The following CBLB variants were observed in gnomAD, a reference collection of about 807,000 sequenced individuals.
The protein encoded by CBLB is E3 ubiquitin-protein ligase CBL-B.
Under a neutral mutation model 104.9 loss-of-function variants are expected in CBLB, and 31 were observed. The ratio of observed to expected loss-of-function variants is 0.30; its 90% CI spans 0.22 to 0.40. The LOEUF (loss-of-function observed/expected upper bound fraction) is 0.40. CBLB is among the 10% of genes least tolerant of loss of function. CBLB has a pLI of 1.00. For synonymous variants in CBLB, 440 were observed against 422.6 expected (o/e 1.04, Z -0.51); for missense variants, 1,062 against 1,214.6 (o/e 0.87, Z 1.87).
Position 105,731,608 on chromosome 3 carries a change from T to C in CBLB, c.1203+2401A>G, listed in dbSNP as rs1235483923. ...CACCCTGGGCTGCAAGGCAAACAACTATTTTATTATTATTATTATTACTTT... is the reference window on the plus strand; with the variant it reads ...CACCCTGGGCTGCAAGGCAAACAACCATTTTATTATTATTATTATTACTTT... On this transcript the variant is annotated intron_variant, in intron 9 of 18. Coordinates refer to ENST00000394030, the MANE Select transcript of CBLB (RefSeq NM_170662.5). Among the ~76,000 whole-genome samples the C allele has an allele frequency of 3.3e-5, 5 of 151,844 alleles. No homozygotes were observed. In the East Asian group the frequency reaches 9.6e-4, roughly 29 times the overall value.
intron 9 of CBLB, among the ~76,000 whole-genome samples, chr3:105,726,567 T>A (rs956050526): frequency 1.2e-4 from 18 of 152,052 alleles, no homozygotes; most frequent in African/African-American, 3.9e-4. Flanking sequence ...TTTCTTTTAT[T>A]ATACTTTAAA....
At chr3:105,782,378 T>A (rs2080361119) in intron 3 of CBLB, among the ~76,000 whole-genome samples, 1 of 152,144 alleles carries the variant, frequency 6.6e-6, no homozygotes, top group Non-Finnish European at 1.5e-5. Flanking sequence ...TTTTGGATAC[T>A]AAACTGATCA....
chr3:105,791,104 AGATTTC>A (rs2081583815), intron 3 of CBLB, among the ~76,000 whole-genome samples: 1 of 152,226 alleles, frequency 6.6e-6, no homozygotes. Context: ...GATCTGTTGA[AGATTTC>A]TCTGTTGTAA....
At chr3:105,689,543 G>T (rs1253011162) in intron 13 of CBLB, among the ~76,000 whole-genome samples, 6 of 149,764 alleles carry the variant, frequency 4.0e-5, no homozygotes, top group South Asian at 4.2e-4. Context: ...CAGCATTTCA[G>T]AACATTATCT....
chr3:105,669,711 T>C (rs1264651868), intron 18 of CBLB, among the ~76,000 whole-genome samples: 1 of 152,146 alleles, frequency 6.6e-6, no homozygotes, highest in Non-Finnish European at 1.5e-5. Flanking sequence ...TTTAGATATG[T>C]TCAGGGAAAG....
chr3:105,776,375 A>G (rs371283201), intron 4 of CBLB, 21 bp downstream of exon 4: 44 of 1,609,042 alleles, frequency 2.7e-5, no homozygotes, highest in Non-Finnish European at 3.5e-5. Flanking sequence ...ATCCACAGCT[A>G]TAAAAATGAT....
chr3:105,759,069 A>G (rs751347916), intron 4 of CBLB, among the ~76,000 whole-genome samples: 19 of 151,714 alleles, frequency 1.3e-4, no homozygotes, highest in Non-Finnish European at 1.8e-4. Flanking sequence ...TATACAAACA[A>G]CTGGAGGGTG....
At chr3:105,799,299 C>A (rs1313576781) in intron 3 of CBLB, among the ~76,000 whole-genome samples, 1 of 150,314 alleles carries the variant, frequency 6.7e-6, no homozygotes, top group African/African-American at 2.4e-5. Context: ...AAAAAACAAA[C>A]AAGGATATTT....
intron 2 of CBLB, among the ~76,000 whole-genome samples, chr3:105,865,791 A>G (rs1180489015): frequency 6.6e-6 from 1 of 152,180 alleles, no homozygotes; most frequent in Non-Finnish European, 1.5e-5. Flanking sequence ...GGGAAAAAGA[A>G]CAGCCCCTTT....
intron 9 of CBLB, among the ~76,000 whole-genome samples, chr3:105,725,296 T>G (rs2073446090): frequency 6.6e-6 from 1 of 152,138 alleles, no homozygotes; most frequent in South Asian, 2.1e-4. Flanking sequence ...AATTTAAAAT[T>G]TTAATGCATG....
intron 7 of CBLB, among the ~76,000 whole-genome samples, chr3:105,738,617 ATTAGGG>A: frequency 6.6e-6 from 1 of 152,128 alleles, no homozygotes; most frequent in African/African-American, 2.4e-5. Context: ...AAAAATCATG[ATTAGGG>A]TACCATAGGA....
chr3:105,843,202 T>C (rs1319762115), intron 3 of CBLB, among the ~76,000 whole-genome samples: 1 of 152,150 alleles, frequency 6.6e-6, no homozygotes, highest in Non-Finnish European at 1.5e-5. Flanking sequence ...CCATTCAACA[T>C]GCCACTTTCA....
intron 13 of CBLB, among the ~76,000 whole-genome samples, chr3:105,688,555 G>C (rs1416329093): frequency 6.6e-6 from 1 of 152,000 alleles, no homozygotes; most frequent in African/African-American, 2.4e-5. Context: ...AATAGTATCT[G>C]AAGGCAAGTA....
rs1439815106 is a variant in CBLB, at chr3:105,681,532, C to T, written c.2375G>A (p.Gly792Asp). The change falls in exon 16 of 19, where the codon GGT (glycine) becomes GAT (aspartate). Residue 792 changes from glycine to aspartate, a missense_variant. Gly to Asp is a moderately conservative substitution (Grantham distance 94). Coordinates refer to ENST00000394030, the MANE Select transcript of CBLB (RefSeq NM_170662.5). Reference protein sequence around the residue: ...RPPTRDNPKHGSSLNRTPSDY... With the variant: ...RPPTRDNPKHDSSLNRTPSDY... ...AGAGGGCGTCCTGTTGAGTGAAGAA[C>T]CATGCTTTGGATTGTCCCGAGTTGG... The T allele has an allele frequency of 2.5e-6, 4 of 1,614,070 alleles. No individual in the cohort carries two copies. In the South Asian group the frequency reaches 4.4e-5, roughly 18 times the overall value.
intron 2 of CBLB, among the ~76,000 whole-genome samples, chr3:105,859,318 A>G (rs149073407): frequency 3.0e-4 from 45 of 152,338 alleles, no homozygotes; most frequent in African/African-American, 1.1e-3. Flanking sequence ...GAATCAAGTC[A>G]TATACTCTCA....
intron 6 of CBLB, among the ~76,000 whole-genome samples, chr3:105,744,571 C>T (rs2075921788): frequency 6.6e-6 from 1 of 151,740 alleles, no homozygotes; most frequent in Admixed American, 6.6e-5. Context: ...CTTAAAAAGA[C>T]AAAAATATGG....
intron 3 of CBLB, among the ~76,000 whole-genome samples, chr3:105,821,146 C>G (rs747785503): frequency 6.6e-6 from 1 of 152,146 alleles, no homozygotes; most frequent in African/African-American, 2.4e-5. Flanking sequence ...GATCCATGTA[C>G]TTGTTCTGTC....
chr3:105,662,738 C>G (rs772673223), intron 18 of CBLB, among the ~76,000 whole-genome samples: 13 of 152,164 alleles, frequency 8.5e-5, no homozygotes, highest in African/African-American at 1.4e-4. Flanking sequence ...TACCTAATGT[C>G]CCAGCCCTTG....
At chr3:105,688,117 G>A (rs1374108465) in intron 13 of CBLB, among the ~76,000 whole-genome samples, 1 of 152,008 alleles carries the variant, frequency 6.6e-6, no homozygotes, top group African/African-American at 2.4e-5. Flanking sequence ...ACAATTTTCA[G>A]TCATTGACTA....
Sources: allele counts gnomAD v4.1 joint callset (sites outside exome capture counted in the v4.1 genomes callset), GRCh38; gene constraint gnomAD v4.1.1; transcripts MANE v1.5; gene names NCBI Gene and HGNC (gene_info 2026-07-23, HGNC 2026-07-21).